Variants in NHSL1 observed in about 807,000 individuals in gnomAD.
NHSL1 encodes the protein NHS-like protein 1.
Under a neutral mutation model 95.0 loss-of-function variants are expected in NHSL1, and 48 were observed. The observed-to-expected ratio is 0.51, with a 90% CI of 0.40 to 0.64. The LOEUF (loss-of-function observed/expected upper bound fraction) is 0.64. Ranked by LOEUF, NHSL1 falls within the 30% of genes least tolerant of loss-of-function variation. The probability of loss-of-function intolerance (pLI) is 0.00; values close to 1 mark genes in which losing one functional copy is unlikely to be tolerated. For synonymous variants in NHSL1, 783 were observed against 833.9 expected (o/e 0.94, Z 1.05); for missense variants, 1,971 against 2,077.7 (o/e 0.95, Z 1.00).
chr6:138,649,868 G>A (rs1415877057), intron 1 of NHSL1, among the ~76,000 whole-genome samples: 2 of 152,266 alleles, frequency 1.3e-5, no homozygotes, highest in East Asian at 1.9e-4. Flanking sequence ...TAGATAGGGT[G>A]GGTTCTGACC....
At chr6:138,629,439 G>C (rs1784787566) in intron 1 of NHSL1, among the ~76,000 whole-genome samples, 1 of 151,514 alleles carries the variant, frequency 6.6e-6, no homozygotes, top group South Asian at 2.1e-4. Context: ...CTGGAGTGCA[G>C]TGTCGCGATC....
intron 5 of NHSL1, among the ~76,000 whole-genome samples, chr6:138,437,391 T>TATATATATACAC (rs1554222068): frequency 0.01 from 603 of 58,282 alleles, 14 homozygotes; most frequent in African/African-American, 0.04. Context: ...TATATACACA[T>TATATATATACAC]ATATATATAT....
At chr6:138,563,128 C>A (rs1011254960) in intron 1 of NHSL1, among the ~76,000 whole-genome samples, 17 of 152,176 alleles carry the variant, frequency 1.1e-4, no homozygotes, top group Admixed American at 2.0e-4. Flanking sequence ...GTTTTCAGTT[C>A]TCTCTAATGA....
intron 3 of NHSL1, among the ~76,000 whole-genome samples, chr6:138,462,841 A>G (rs1007428658): frequency 2.0e-5 from 3 of 152,240 alleles, no homozygotes; most frequent in South Asian, 4.1e-4. Context: ...CTTTGCCAGG[A>G]AAGTGGCAGA....
chr6:138,471,545 A>G (rs1421813882), intron 3 of NHSL1, among the ~76,000 whole-genome samples: 2 of 152,238 alleles, frequency 1.3e-5, no homozygotes, highest in African/African-American at 4.8e-5. Context: ...GAGTAATCCA[A>G]TATGTGAAAA....
rs1369676065 is a variant in NHSL1 at position 138,431,456 on chromosome 6, A to G, written c.2889T>C (p.Ser963=). Residue 963 remains serine, a synonymous_variant, in exon 6 of 8, where the codon TCT becomes TCC. Coordinates refer to ENST00000343505, the MANE Select transcript of NHSL1 (RefSeq NM_001144060.2). This position sits in a 1 kb window ranked among gnomAD's most constrained non-coding sequence, Gnocchi z 4.0. ...GGAACACAGGAGAGTGAGGCAGAGG[A>G]GAGCCCTGGGAGCAATCTGTGACAG... ...PPPVTDCSQG[S]PLPHSPVFPP... is the part of the protein sequence containing the mutation. 5.2e-6 allele frequency: 8 copies of G among 1,550,826 alleles called. No individual in the cohort carries two copies. The highest frequency in any genetic ancestry group is 7.0e-6 in the Non-Finnish European group (8 of 1,146,946).
At position 138,617,737 on chromosome 6, in the gene NHSL1, G is replaced by A. The variant is rs565648187; in HGVS notation, c.96+74739C>T. On this transcript the variant is annotated intron_variant, in intron 1 of 3. Coordinates refer to the NHSL1 transcript ENST00000491526. ...CTTCTGAGAAGGTCAAGAATTCTAC[G>A]GAACTGCAGGTACTGCGTTCTCATT... Among the ~76,000 whole-genome samples, 27 of 152,352 alleles carry A rather than the reference G, an allele frequency of 1.8e-4. No homozygotes were observed. The South Asian group carries it at 3.9e-3, about 22-fold the overall frequency.
At chr6:138,543,503 T>C (rs1189428713) in intron 1 of NHSL1, among the ~76,000 whole-genome samples, 1 of 152,248 alleles carries the variant, frequency 6.6e-6, no homozygotes, top group Non-Finnish European at 1.5e-5. Context: ...TGGGAAGCGA[T>C]CTGATTTAAA....
chr6:138,495,597 G>A (rs894795763), intron 2 of NHSL1, among the ~76,000 whole-genome samples: 5 of 152,174 alleles, frequency 3.3e-5, no homozygotes, highest in Admixed American at 1.3e-4. Flanking sequence ...TAACACTGGC[G>A]GTTTAAACAT....
At chr6:138,545,233 C>T (rs1244735232) in intron 1 of NHSL1, among the ~76,000 whole-genome samples, 2 of 151,962 alleles carry the variant, frequency 1.3e-5, no homozygotes, top group African/African-American at 4.8e-5. Flanking sequence ...AATCCTTTAC[C>T]CTTTCTACTC....
chr6:138,430,874 A>T lies in NHSL1; in HGVS notation c.3471T>A (p.Gly1157=). 2 of 1,551,206 alleles carry T rather than the reference A, an allele frequency of 1.3e-6. No homozygotes were observed. The highest frequency in any genetic ancestry group is 1.7e-6 in the Non-Finnish European group (2 of 1,146,848). The part of the protein sequence containing the change: ...QGDHGSAAER[G]GPVSRSPGAP... ...CTCCAGGGCTGCGGCTCACAGGGCC[A>T]CCACGCTCAGCCGCACTGCCATGGT... Residue 1157 remains glycine, a synonymous_variant, in exon 6 of 8, where the codon GGT becomes GGA. Transcript: ENST00000343505. The surrounding 1 kb of genome is among the most constrained non-coding windows in gnomAD (Gnocchi z 4.7).
intron 1 of NHSL1, among the ~76,000 whole-genome samples, chr6:138,604,817 G>A (rs1784413121): frequency 6.6e-6 from 1 of 151,856 alleles, no homozygotes; most frequent in African/African-American, 2.4e-5. Context: ...GTAGAGACGG[G>A]GTTTCACCAT....
chr6:138,667,784 A>C (rs551374391), intron 1 of NHSL1, among the ~76,000 whole-genome samples: 1 of 152,328 alleles, frequency 6.6e-6, no homozygotes, highest in East Asian at 1.9e-4. Flanking sequence ...CACTAACATT[A>C]ATGTAGACAG....
At chr6:138,555,214 C>T (rs759261924) in intron 1 of NHSL1, among the ~76,000 whole-genome samples, 1 of 151,990 alleles carries the variant, frequency 6.6e-6, no homozygotes, top group Non-Finnish European at 1.5e-5. Context: ...TTTTACCTCT[C>T]TCTTTCTCTT....
Position 138,424,414 on chromosome 6 carries a change from C to T in NHSL1, c.4488G>A (p.Arg1496=). ...MPRSLSFSGP[R]YGRSRTPPSA... ...AAGGCGGCGTTCGGCTGCGGCCGTA[C>T]CTGGGGCCGGAAAAGGACAGACTCC... is the stretch of plus-strand genomic sequence containing the variant. Residue 1496 remains arginine (R), a synonymous_variant, in exon 8 of 8, where the codon AGG becomes AGA. Transcript: ENST00000343505. This position sits in a 1 kb window ranked among gnomAD's most constrained non-coding sequence, Gnocchi z 5.9. The T allele has an allele frequency of 6.5e-7, 1 of 1,550,182 alleles. No individual in the cohort carries two copies. Among genetic ancestry groups the T allele is most frequent in the African/African-American group, 1.4e-5 (1 of 73,130 alleles).
intron 1 of NHSL1, among the ~76,000 whole-genome samples, chr6:138,658,021 G>A (rs1785179900): frequency 4.0e-5 from 6 of 151,734 alleles, no homozygotes; most frequent in Admixed American, 3.9e-4. Context: ...AACTATCTTG[G>A]CAGAAATCTT....
chr6:138,644,919 C>G (rs1045363168), intron 1 of NHSL1, among the ~76,000 whole-genome samples: 2 of 152,160 alleles, frequency 1.3e-5, no homozygotes. Flanking sequence ...CTTTATCCTA[C>G]AGCTGATTTA....
chr6:138,688,166 G>C, intron 1 of NHSL1, among the ~76,000 whole-genome samples: 1 of 152,114 alleles, frequency 6.6e-6, no homozygotes, highest in African/African-American at 2.4e-5. Flanking sequence ...TGGCCAGGCT[G>C]GTCTCGAACT....
chr6:138,511,350 T>C (rs1191889669), intron 1 of NHSL1, among the ~76,000 whole-genome samples: 2 of 151,798 alleles, frequency 1.3e-5, no homozygotes, highest in Non-Finnish European at 2.9e-5. Context: ...TGTTTTTTAC[T>C]AAAGAAAAAA....
Sources: gnomAD v4.1 joint callset for allele counts (sites outside exome capture counted in the v4.1 genomes callset) on GRCh38, gnomAD v4.1.1 for gene constraint, Gnocchi (gnomAD v3.1) non-coding constraint, MANE v1.5 for transcripts, NCBI Gene and HGNC (gene_info 2026-07-23, HGNC 2026-07-21) for gene names.